Variants in CPNE3 observed in about 807,000 individuals in gnomAD.
CPNE3 encodes the protein copine-3.
CPNE3 carries 68 observed loss-of-function variants against 63.9 expected under a neutral mutation model. The observed-to-expected ratio is 1.06, with a 90% confidence interval of 0.87 to 1.30. CPNE3 has a LOEUF of 1.30. Among genes scored for constraint, CPNE3 ranks in the 50% most tolerant of loss-of-function variants. The pLI, the probability that CPNE3 is intolerant of heterozygous loss-of-function variation, is 0.00. For synonymous variants in CPNE3, 219 were observed against 197.5 expected (o/e 1.11, Z -0.91); for missense variants, 665 against 578.1 (o/e 1.15, Z -1.54).
chr8:86,516,312 C>T (rs1820309373), intron 2 of CPNE3, among the ~76,000 whole-genome samples: 1 of 152,120 alleles, frequency 6.6e-6, no homozygotes, highest in Admixed American at 6.5e-5. Context: ...GGAGTGTTTG[C>T]CATTAAGGGT....
chr8:86,530,939 G>A (rs1377244625), intron 4 of CPNE3, among the ~76,000 whole-genome samples: 3 of 151,156 alleles, frequency 2.0e-5, no homozygotes, highest in African/African-American at 4.9e-5. Flanking sequence ...TAATCTGCCC[G>A]CCTCAGCCTC....
intron 14 of CPNE3, 28 bp from the exon 15 acceptor site, chr8:86,554,823 C>T: frequency 6.2e-7 from 1 of 1,607,222 alleles, no homozygotes; most frequent in Non-Finnish European, 8.5e-7. Context: ...ATTTTTAGTA[C>T]TGTTTTTTAT....
intron 6 of CPNE3, among the ~76,000 whole-genome samples, chr8:86,535,045 A>G (rs11774499): frequency 0.24 from 36,860 of 152,106 alleles, 4,645 homozygotes; most frequent in Non-Finnish European, 0.27. Flanking sequence ...AGACCATTTA[A>G]CACAACTCCA....
At chr8:86,554,772 C>A in intron 14 of CPNE3, 79 bp from the exon 15 acceptor site, 1 of 1,530,312 alleles carries the variant, frequency 6.5e-7, no homozygotes, top group South Asian at 1.2e-5. Context: ...TACATATAAT[C>A]AAATTAGCCA....
In CPNE3 at chr8:86,532,504, CATAGATTTCAGCTGA is replaced by C. The variant is rs1310270115; in HGVS notation, c.388-3_399del. 6.2e-7 allele frequency: 1 copy of C among 1,607,676 alleles called. No individual in the cohort carries two copies. The highest frequency in any genetic ancestry group is 8.5e-7 in the Non-Finnish European group (1 of 1,177,248). Reference sequence around the variant, plus strand: ...TTTTCTTTCACTTACCTGATCTACTCATAGATTTCAGCTGAAGAAATAAAAGATAATAGAGTGGTC... The same window carrying C: ...TTTTCTTTCACTTACCTGATCTACTCAGAAATAAAAGATAATAGAGTGGTC... On this transcript the variant is annotated splice_acceptor_variant and splice_polypyrimidine_tract_variant and coding_sequence_variant and intron_variant, in exon 6 of 17. Transcript: ENST00000517490. LOFTEE classifies it high-confidence loss of function.
At position 86,529,014 on chromosome 8, in the gene CPNE3, T is replaced by A; in HGVS notation, c.202T>A (p.Tyr68Asn). 6.2e-7 allele frequency: 1 copy of A among 1,613,658 alleles called. No individual in the cohort carries two copies. Among genetic ancestry groups the A allele is most frequent in the Non-Finnish European group, 8.5e-7 (1 of 1,179,584 alleles). Residue 68 changes from tyrosine (Y) to asparagine (N), a missense_variant, in exon 4 of 17, where the codon TAC becomes AAC. Physicochemically the swap from Tyr to Asn is moderately radical, Grantham distance 143 (BLOSUM62 -2). Transcript: ENST00000517490. Reference protein sequence around the residue: ...QFSKTFIIDYYFEVVQKLKFG... With the variant: ...QFSKTFIIDYNFEVVQKLKFG... ...TTCCAAGACATTTATTATTGATTAC[T>A]ACTTTGAAGTGGTTCAGAAATTGAA...
In CPNE3 at chr8:86,531,173, C is replaced by A; in HGVS notation, c.331C>A (p.Leu111Ile). 1 of 1,267,930 alleles carries A rather than the reference C, an allele frequency of 7.9e-7. No individual in the cohort carries two copies. The highest frequency in any genetic ancestry group is 1.2e-6 in the Non-Finnish European group (1 of 863,894). The allele number at this position is 1,267,930 out of a possible 1,614,324, so 78.5% of individuals were successfully genotyped here. The part of the protein sequence containing the change: ...TLGQIVSSKK[L>I]TRPLVMKTGR... ...CTAACAGATTGTTTCCAGCAAGAAG[C>A]TAACTCGACCACTGGTGATGAAAAC... is the stretch of plus-strand genomic sequence containing the variant. The change falls in exon 5 of 17, where the codon CTA (leucine) becomes ATA (isoleucine). Residue 111 changes from leucine (L) to isoleucine (I), a missense_variant. Leu to Ile is a conservative substitution (Grantham distance 5). Transcript: ENST00000517490.
At chr8:86,558,153 T>C in intron 16 of CPNE3, 135 bp from the exon 17 acceptor site, 1 of 637,206 alleles carries the variant, frequency 1.6e-6, no homozygotes, top group East Asian at 2.6e-5. Flanking sequence ...TCATGGGCGG[T>C]TCCTAAGAAA....
chr8:86,557,220 G>A (rs183007924), intron 16 of CPNE3, among the ~76,000 whole-genome samples: 1,943 of 152,198 alleles, frequency 0.013, 27 homozygotes, highest in Non-Finnish European at 0.02. Context: ...TGCAACTTCC[G>A]CCTCCTGGGT....
rs1821367596 is a variant in CPNE3 at position 86,558,357 on chromosome 8, A to G, written c.1561A>G (p.Thr521Ala). The G allele has an allele frequency of 5.7e-6, 5 of 872,868 alleles. No individual in the cohort carries two copies. In the Admixed American group the frequency reaches 6.8e-5, roughly 12 times the overall value. 54.1% of individuals were successfully genotyped at this position (872,868 alleles called of 1,614,324 possible). A position where few individuals can be genotyped will look rare whatever the true frequency, so the allele number is the denominator to read the frequency against. The change falls in exon 17 of 17, where the codon ACA (threonine) becomes GCA (alanine). Residue 521 changes from threonine to alanine, a missense_variant. Physicochemically the swap from Thr to Ala is moderately conservative, Grantham distance 58 (BLOSUM62 0). Coordinates refer to ENST00000517490, the MANE Select transcript of CPNE3 (RefSeq NM_003909.5). ...IPQQVVGYFN[T>A]YKLLPPKNPA... Reference sequence around the variant, plus strand: ...CCAGCAGGTGGTGGGCTACTTCAATACATACAAACTCCTTCCTCCCAAGAA... The same window carrying G: ...CCAGCAGGTGGTGGGCTACTTCAATGCATACAAACTCCTTCCTCCCAAGAA...
At chr8:86,540,144 G>C in intron 7 of CPNE3, 101 bp from the exon 8 acceptor site, 1 of 721,610 alleles carries the variant, frequency 1.4e-6, no homozygotes, top group Non-Finnish European at 2.5e-6. Context: ...AGAGGTGGAG[G>C]ACGAATGGTG....
intron 9 of CPNE3, chr8:86,545,439 A>G (rs575521084): frequency 6.6e-6 from 1 of 152,212 alleles, no homozygotes; most frequent in African/African-American, 2.4e-5. Context: ...GCCTGAAGGT[A>G]TAAATGAATA....
At chr8:86,549,121 T>C (rs1821117750) in intron 12 of CPNE3, among the ~76,000 whole-genome samples, 1 of 152,114 alleles carries the variant, frequency 6.6e-6, no homozygotes, top group Non-Finnish European at 1.5e-5. Flanking sequence ...GAGTACAGAA[T>C]AAAATTTCAC....
intron 5 of CPNE3, 30 bp downstream of exon 5, chr8:86,531,259 A>G (rs778984085): frequency 6.5e-6 from 6 of 928,394 alleles, no homozygotes; most frequent in Non-Finnish European, 1.1e-5. Context: ...CTTTTGTCTC[A>G]AAAGATTTAG....
chr8:86,546,128 C>A (rs927736504), intron 9 of CPNE3, among the ~76,000 whole-genome samples: 9 of 151,980 alleles, frequency 5.9e-5, no homozygotes, highest in Admixed American at 2.0e-4. Context: ...CATATTTTAC[C>A]ATAGAGTTGG....
chr8:86,536,122 A>G (rs974160044), intron 6 of CPNE3, among the ~76,000 whole-genome samples: 1 of 151,790 alleles, frequency 6.6e-6, no homozygotes, highest in Admixed American at 6.6e-5. Flanking sequence ...GCTTTCCTCC[A>G]TGTAGATAAT....
At chr8:86,528,795 A>G (rs1820600146) in intron 3 of CPNE3, 118 bp downstream of exon 3, 1 of 1,389,290 alleles carries the variant, frequency 7.2e-7, no homozygotes, top group Non-Finnish European at 9.6e-7. Flanking sequence ...TTTTTTGTGA[A>G]AGTTTGTCCT....
Position 86,556,219 on chromosome 8 carries a change from G to A in CPNE3, c.1372G>A (p.Gly458Ser). ...GTCCATCATAATTGTTGGAGTTGGA[G>A]GTGCTGACTTCAGCGCCATGGAGTT... ...PMSIIIVGVG[G>S]ADFSAMEFLD... The change falls in exon 16 of 17, where the codon GGT (glycine) becomes AGT (serine). Residue 458 changes from glycine to serine, a missense_variant. Physicochemically the swap from Gly to Ser is moderately conservative, Grantham distance 56. Coordinates refer to ENST00000517490, the MANE Select transcript of CPNE3 (RefSeq NM_003909.5). The A allele has an allele frequency of 1.1e-6, 1 of 873,060 alleles. No homozygotes were observed. Among genetic ancestry groups the A allele is most frequent in the Non-Finnish European group, 2.0e-6 (1 of 501,696 alleles). The allele number at this position is 873,060 out of a possible 1,614,324, so 54.1% of individuals were successfully genotyped here. A position where few individuals can be genotyped will look rare whatever the true frequency, so the allele number is the denominator to read the frequency against.
intron 8 of CPNE3, among the ~76,000 whole-genome samples, chr8:86,542,328 A>G (rs10095589): frequency 0.24 from 36,180 of 152,044 alleles, 4,475 homozygotes; most frequent in Non-Finnish European, 0.27. Context: ...TTTCTTTGCC[A>G]TGTTGTGTTA....
Sources: allele counts gnomAD v4.1 joint callset (sites outside exome capture counted in the v4.1 genomes callset), GRCh38; gene constraint gnomAD v4.1.1; transcripts MANE v1.5; gene names NCBI Gene and HGNC (gene_info 2026-07-23, HGNC 2026-07-21).